Variants in BCAR3 observed in about 807,000 individuals in gnomAD.
BCAR3 encodes breast cancer anti-estrogen resistance protein 3.
In BCAR3, 37 loss-of-function variants were observed where a neutral mutation model predicts 80.1. The ratio of observed to expected loss-of-function variants is 0.46; its 90% CI spans 0.36 to 0.61. BCAR3 has a LOEUF of 0.61. BCAR3 is among the 20% of genes least tolerant of loss of function. The pLI, the probability that BCAR3 is intolerant of heterozygous loss-of-function variation, is 0.00. For synonymous variants in BCAR3, 389 were observed against 418.9 expected (o/e 0.93, Z 0.87); for missense variants, 978 against 1,068.2 (o/e 0.92, Z 1.18).
At chr1:93,573,098 T>C (rs146319438) in intron 8 of BCAR3, among the ~76,000 whole-genome samples, 109 of 152,156 alleles carry the variant, frequency 7.2e-4, no homozygotes, top group Admixed American at 3.1e-3. Flanking sequence ...AGACTGTGTA[T>C]AGGTGTGAAA....
upstream of BCAR3, chr1:93,847,896 AGCGGCG>A (rs533240277): frequency 1.7e-4 from 41 of 242,192 alleles, no homozygotes; most frequent in East Asian, 8.0e-4. Flanking sequence ...TCCTGAGAAG[AGCGGCG>A]GCGGCGGCGG....
intron 5 of BCAR3, among the ~76,000 whole-genome samples, chr1:93,587,466 A>G (rs1437351719): frequency 6.6e-6 from 1 of 152,214 alleles, no homozygotes; most frequent in African/African-American, 2.4e-5. Flanking sequence ...CTAGATGAAG[A>G]AGGTGAGGCC....
chr1:93,582,711 C>G lies in BCAR3; in HGVS notation c.1276G>C (p.Glu426Gln). Reference sequence around the variant, plus strand: ...GGGTTCAGTTCACAGTAGTTGGCCTCTGAGTTGAGCCAGGCAGAGGGAGAC... The same window carrying G: ...GGGTTCAGTTCACAGTAGTTGGCCTGTGAGTTGAGCCAGGCAGAGGGAGAC... ...PSSPSAWLNS[E>Q]ANYCELNPAF... Residue 426 changes from glutamate (E) to glutamine (Q), a missense_variant, in exon 7 of 12, where the codon GAG becomes CAG. By Grantham distance (29) the Glu-to-Gln change is conservative (BLOSUM62 2). Transcript: ENST00000260502. The G allele has an allele frequency of 3.1e-6, 5 of 1,614,132 alleles. No homozygotes were observed. Among genetic ancestry groups the G allele is most frequent in the Non-Finnish European group, 4.2e-6 (5 of 1,180,028 alleles).
At chr1:93,641,453 T>G (rs1675974955) in intron 3 of BCAR3, among the ~76,000 whole-genome samples, 1 of 152,144 alleles carries the variant, frequency 6.6e-6, no homozygotes, top group Non-Finnish European at 1.5e-5. Flanking sequence ...TTGTCATAAA[T>G]CCAAGAAACC....
At chr1:93,617,583 A>G (rs1675167428) in intron 3 of BCAR3, among the ~76,000 whole-genome samples, 1 of 152,208 alleles carries the variant, frequency 6.6e-6, no homozygotes. Context: ...AGAACAGCTC[A>G]AAACATCTTG....
chr1:93,571,730 C>T lies in BCAR3; in HGVS notation c.1914G>A (p.Lys638=), dbSNP rs1673226312. 1.2e-6 allele frequency: 2 copies of T among 1,613,988 alleles called. No homozygotes were observed. The highest frequency in any genetic ancestry group is 1.7e-5 in the Admixed American group (1 of 59,998). ...SKIIQVAVEL[K]DSMGDLYSFS... is the part of the protein sequence containing the mutation. ...AGGAATAGAGGTCCCCCATGGAATC[C>T]TTCAGTTCCACCGCCACCTGGATGA... The change falls in exon 9 of 12, where the codon AAG becomes AAA. Residue 638 remains lysine, a synonymous_variant. Transcript: ENST00000260502.
chr1:93,748,478 C>A (rs1389391589), intron 2 of BCAR3, among the ~76,000 whole-genome samples: 1 of 152,170 alleles, frequency 6.6e-6, no homozygotes, highest in East Asian at 1.9e-4. Flanking sequence ...GACTCCATCC[C>A]TTGGATCAGA....
intron 2 of BCAR3, among the ~76,000 whole-genome samples, chr1:93,711,195 T>C (rs1468081414): frequency 2.0e-5 from 3 of 152,214 alleles, no homozygotes; most frequent in Non-Finnish European, 4.4e-5. Flanking sequence ...CAGACCACCC[T>C]TGATGCAGTG....
At chr1:93,830,139 A>G (rs956840834) in intron 2 of BCAR3, among the ~76,000 whole-genome samples, 6 of 152,222 alleles carry the variant, frequency 3.9e-5, no homozygotes, top group Non-Finnish European at 7.3e-5. Context: ...CTGTGGAATC[A>G]TGAGCCAATT....
intron 3 of BCAR3, among the ~76,000 whole-genome samples, chr1:93,636,079 G>A (rs970817503): frequency 3.9e-5 from 6 of 152,104 alleles, no homozygotes; most frequent in Non-Finnish European, 5.9e-5. Context: ...ATCCCCAGCC[G>A]GCTGCAGGAA....
chr1:93,796,423 G>T lies in BCAR3; in HGVS notation c.-63+49144C>A, dbSNP rs1237915568. The stretch of plus-strand genomic sequence containing the variant: ...GGGTGGGAGTGACCTGATTTTCCAG[G>T]TGCGTCCGTCACCCCTTTCTTTGAC... On this transcript the variant is annotated intron_variant, in intron 2 of 13. Transcript: ENST00000370244. Among the ~76,000 whole-genome samples, 12 of 146,822 alleles carry T rather than the reference G, an allele frequency of 8.2e-5. No individual in the cohort carries two copies. The East Asian group carries it at 2.4e-3, about 30-fold the overall frequency.
At chr1:93,656,252 C>G (rs1647371769) in intron 2 of BCAR3, among the ~76,000 whole-genome samples, 1 of 149,154 alleles carries the variant, frequency 6.7e-6, no homozygotes, top group African/African-American at 2.5e-5. Context: ...TTGCTTTTTC[C>G]TTTCTCTCAA....
At position 93,738,022 on chromosome 1, in the gene BCAR3, C is replaced by T. The variant is rs565605665; in HGVS notation, c.-62-31880G>A. Among the ~76,000 whole-genome samples, 8 of 152,150 alleles carry T rather than the reference C, an allele frequency of 5.3e-5. 1 individual carries two copies. The highest frequency in any genetic ancestry group is 3.4e-3 in the Middle Eastern group (1 of 294). On this transcript the variant is annotated intron_variant, in intron 2 of 13. Coordinates refer to the BCAR3 transcript ENST00000370244. ...TTTTTTTATTTTTATTTTTTAAAGACGGGGTCTTGCTTTGCTGCCTTGGCT... is the reference window on the plus strand; with the variant it reads ...TTTTTTTATTTTTATTTTTTAAAGATGGGGTCTTGCTTTGCTGCCTTGGCT...
intron 2 of BCAR3, among the ~76,000 whole-genome samples, chr1:93,773,521 C>T (rs868422830): frequency 6.6e-5 from 10 of 152,182 alleles, no homozygotes; most frequent in Non-Finnish European, 1.2e-4. Context: ...GGGTCCTAAT[C>T]CACTTGATCT....
intron 3 of BCAR3, among the ~76,000 whole-genome samples, chr1:93,615,306 A>G (rs1675078739): frequency 6.6e-6 from 1 of 152,190 alleles, no homozygotes; most frequent in Non-Finnish European, 1.5e-5. Context: ...GCCCACAAAA[A>G]TAGGAAATTG....
chr1:93,682,090 T>C (rs1422438141), upstream of BCAR3, among the ~76,000 whole-genome samples: 3 of 152,162 alleles, frequency 2.0e-5, no homozygotes, highest in South Asian at 2.1e-4. Context: ...ATCCACTCCT[T>C]CCCCTTCCCC....
At chr1:93,698,036 T>A (rs931528161) in intron 3 of BCAR3, among the ~76,000 whole-genome samples, 2 of 152,134 alleles carry the variant, frequency 1.3e-5, no homozygotes, top group African/African-American at 4.8e-5. Flanking sequence ...AGCTGGCACA[T>A]CCAGGCTACC....
intron 2 of BCAR3, among the ~76,000 whole-genome samples, chr1:93,824,096 C>T (rs1176257288): frequency 7.5e-6 from 1 of 133,728 alleles, no homozygotes; most frequent in Non-Finnish European, 1.7e-5. Flanking sequence ...GTCTTGTTTT[C>T]GGTATTCCTA....
intron 3 of BCAR3, among the ~76,000 whole-genome samples, chr1:93,703,569 A>C (rs1179227248): frequency 2.5e-5 from 1 of 39,324 alleles, no homozygotes; most frequent in African/African-American, 3.3e-5. Context: ...TGTCTCTTAA[A>C]AAGAAAAAAA....
Sources: gnomAD v4.1 joint callset for allele counts (sites outside exome capture counted in the v4.1 genomes callset) on GRCh38, gnomAD v4.1.1 for gene constraint, MANE v1.5 for transcripts, NCBI Gene and HGNC (gene_info 2026-07-23, HGNC 2026-07-21) for gene names.